The following NCAM1 variants were observed in gnomAD, a reference collection of about 807,000 sequenced individuals.
NCAM1 encodes neural cell adhesion molecule 1.
Under a neutral mutation model 109.8 loss-of-function variants are expected in NCAM1, and 14 were observed. The ratio of observed to expected loss-of-function variants is 0.13; its 90% CI spans 0.08 to 0.20. The LOEUF (loss-of-function observed/expected upper bound fraction) is 0.20. NCAM1 is among the 10% of genes least tolerant of loss of function. The pLI is 1.00. For synonymous variants in NCAM1, 418 were observed against 442.9 expected, an observed-to-expected ratio of 0.94 and a Z score of 0.70; for missense variants, 774 against 1,109.9, an observed-to-expected ratio of 0.70 and a Z score of 4.30.
intron 1 of NCAM1, among the ~76,000 whole-genome samples, chr11:113,039,666 G>T (rs1953007995): frequency 6.6e-6 from 1 of 152,160 alleles, no homozygotes; most frequent in South Asian, 2.1e-4. Flanking sequence ...AATATTATTT[G>T]TCTGGGGCCT....
chr11:113,012,124 C>T (rs551516224), intron 1 of NCAM1, among the ~76,000 whole-genome samples: 36 of 151,842 alleles, frequency 2.4e-4, no homozygotes, highest in Non-Finnish European at 4.3e-4. Context: ...GTTCAAGTGG[C>T]TCTCATGCCT....
At chr11:113,248,020 A>C (rs1555120608) in intron 15 of NCAM1, among the ~76,000 whole-genome samples, 1 of 152,152 alleles carries the variant, frequency 6.6e-6, no homozygotes, top group Non-Finnish European at 1.5e-5. Context: ...TTTTTAAAAC[A>C]AGCTTGGTCA....
At position 113,186,420 on chromosome 11, in the gene NCAM1, C is replaced by T. The variant is rs987009366; in HGVS notation, c.53-15959C>T. On this transcript the variant is annotated intron_variant, in intron 1 of 19. Transcript: ENST00000316851. ...CATGGAAAAATTGTCTTCCATGAAA[C>T]TTGTCCCTGGTGCCAAAAACTTGGG... Among the ~76,000 whole-genome samples, 13 of 152,246 alleles carry T rather than the reference C, an allele frequency of 8.5e-5. No homozygotes were observed. The South Asian group carries it at 2.5e-3, about 29-fold the overall frequency.
chr11:113,160,230 A>G (rs1555104113), intron 1 of NCAM1, among the ~76,000 whole-genome samples: 1 of 152,122 alleles, frequency 6.6e-6, no homozygotes, highest in Non-Finnish European at 1.5e-5. Context: ...TTAGGAACGC[A>G]GCTTTGGACA....
chr11:113,108,837 G>A (rs1344939830), intron 1 of NCAM1, among the ~76,000 whole-genome samples: 1 of 148,792 alleles, frequency 6.7e-6, no homozygotes, highest in African/African-American at 2.5e-5. Flanking sequence ...GTGCAGTGGC[G>A]CGATCTTGGC....
In NCAM1 at chr11:113,102,479, T is replaced by C. The variant is rs1591326399; in HGVS notation, c.53-99900T>C. On this transcript the variant is annotated intron_variant, in intron 1 of 19. Coordinates refer to ENST00000316851, the MANE Select transcript of NCAM1 (RefSeq NM_181351.5). Reference sequence around the variant, plus strand: ...TTTTTTCTGGCCTAAGCACTAGTCTTGCAATTCCTTTAGCTGGCATGGAGG... The same window carrying C: ...TTTTTTCTGGCCTAAGCACTAGTCTCGCAATTCCTTTAGCTGGCATGGAGG... Among the ~76,000 whole-genome samples, 3 of 152,300 alleles carry C rather than the reference T, an allele frequency of 2.0e-5. No individual in the cohort carries two copies. The South Asian group carries it at 6.2e-4, about 32-fold the overall frequency.
rs549710346 is a variant in NCAM1, at chr11:113,277,726, G to A, written c.*2339G>A. On this transcript the variant is annotated 3_prime_UTR_variant, in exon 20 of 20. Coordinates refer to ENST00000316851, the MANE Select transcript of NCAM1 (RefSeq NM_181351.5). ...GGTCAGCCCTCAGATCACCTGGCCCGGGACAGCTGACCCCCTAGAACCCTG... is the reference window on the plus strand; with the variant it reads ...GGTCAGCCCTCAGATCACCTGGCCCAGGACAGCTGACCCCCTAGAACCCTG... 20 of 293,186 alleles carry A rather than the reference G, an allele frequency of 6.8e-5. 1 individual carries two copies. The highest frequency in any genetic ancestry group is 1.7e-4 in the South Asian group (1 of 6,030). The allele number at this position is 293,186 out of a possible 1,614,324, so 18.2% of individuals were successfully genotyped here.
intron 1 of NCAM1, among the ~76,000 whole-genome samples, chr11:113,173,697 C>T (rs1254058395): frequency 6.7e-6 from 1 of 149,834 alleles, no homozygotes; most frequent in Non-Finnish European, 1.5e-5. Flanking sequence ...TGTCCAGGTT[C>T]ATTCTTGCCT....
chr11:113,013,875 A>G (rs1332552046), intron 1 of NCAM1, among the ~76,000 whole-genome samples: 1 of 152,220 alleles, frequency 6.6e-6, no homozygotes, highest in African/African-American at 2.4e-5. Context: ...ATTCCAAGGC[A>G]GTTTTCTTAA....
intron 1 of NCAM1, among the ~76,000 whole-genome samples, chr11:113,011,411 C>T (rs959887820): frequency 4.6e-5 from 7 of 151,812 alleles, no homozygotes; most frequent in Non-Finnish European, 8.8e-5. Flanking sequence ...TGAATAATGC[C>T]GCAATAAACA....
At chr11:113,202,908 C>T (rs754445851) in intron 2 of NCAM1, among the ~76,000 whole-genome samples, 6 of 152,200 alleles carry the variant, frequency 3.9e-5, no homozygotes, top group Non-Finnish European at 5.9e-5. Context: ...AAATAGAATA[C>T]TGGTATGGCT....
chr11:113,184,254 G>A (rs1287216196), intron 1 of NCAM1, among the ~76,000 whole-genome samples: 1 of 152,216 alleles, frequency 6.6e-6, no homozygotes, highest in African/African-American at 2.4e-5. Context: ...TAGGAACTGA[G>A]GGAAACAATT....
chr11:113,081,798 T>C (rs1555087240), intron 1 of NCAM1, among the ~76,000 whole-genome samples: 1 of 152,166 alleles, frequency 6.6e-6, no homozygotes, highest in Admixed American at 6.5e-5. Context: ...CCTCCCAGAG[T>C]GTTGGGACTA....
At chr11:112,977,572 C>T (rs1433634412) in intron 1 of NCAM1, among the ~76,000 whole-genome samples, 1 of 151,700 alleles carries the variant, frequency 6.6e-6, no homozygotes, top group East Asian at 1.9e-4. Context: ...AATGAGTTTC[C>T]TAGATTTGGA....
At chr11:113,196,028 A>G (rs928659254) in intron 1 of NCAM1, among the ~76,000 whole-genome samples, 1 of 152,068 alleles carries the variant, frequency 6.6e-6, no homozygotes, top group Non-Finnish European at 1.5e-5. Context: ...CTTTCTAAAC[A>G]ATTTCGATAT....
intron 1 of NCAM1, chr11:113,040,817 A>G (rs782186949): frequency 1.3e-5 from 2 of 152,216 alleles, no homozygotes; most frequent in South Asian, 2.1e-4. Context: ...ACTATTGATT[A>G]CCACTTTTCT....
intron 1 of NCAM1, among the ~76,000 whole-genome samples, chr11:113,106,437 A>G (rs540049251): frequency 1.1e-3 from 175 of 152,354 alleles, no homozygotes; most frequent in African/African-American, 4.0e-3. Context: ...GACATCCTAC[A>G]TAGGGTGGCT....
At chr11:113,140,384 A>G (rs1310136203) in intron 1 of NCAM1, among the ~76,000 whole-genome samples, 1 of 152,146 alleles carries the variant, frequency 6.6e-6, no homozygotes, top group Non-Finnish European at 1.5e-5. Context: ...AAAACTGAGC[A>G]CAGCCTTCCA....
intron 14 of NCAM1, among the ~76,000 whole-genome samples, chr11:113,235,786 T>C (rs1945149453): frequency 6.6e-6 from 1 of 152,162 alleles, no homozygotes; most frequent in Non-Finnish European, 1.5e-5. Context: ...CACTCAGGGA[T>C]GTATCTCTAG....
Sources: gnomAD v4.1 joint callset for allele counts (sites outside exome capture counted in the v4.1 genomes callset) on GRCh38, gnomAD v4.1.1 for gene constraint, MANE v1.5 for transcripts, NCBI Gene and HGNC (gene_info 2026-07-23, HGNC 2026-07-21) for gene names.